Variants in INTS15 observed in about 807,000 individuals in gnomAD.
The protein encoded by INTS15 is uncharacterized protein C7orf26.
chr7:6,599,728 G>T, the INTS15 span: 1 of 1,123,494 alleles, frequency 8.9e-7, no homozygotes, highest in South Asian at 1.5e-5. Flanking sequence ...ACCATCAGGT[G>T]GGCAGTGCCA....
chr7:6,593,193 CTT>C, the INTS15 span, among the ~76,000 whole-genome samples: 61 of 152,300 alleles, frequency 4.0e-4, 1 homozygote, highest in African/African-American at 1.4e-3. Flanking sequence ...CCTGTAGTCT[CTT>C]TCACAGCTAC....
chr7:6,602,090 C>T, the INTS15 span: 1 of 1,612,394 alleles, frequency 6.2e-7, no homozygotes, highest in East Asian at 2.2e-5. Context: ...CTTGTATCTC[C>T]TTAATTGCAG....
At chr7:6,602,769 G>A in the INTS15 span, 1 of 471,134 alleles carries the variant, frequency 2.1e-6, no homozygotes, top group South Asian at 1.5e-5. Context: ...AGTGGGAACT[G>A]TGGTCAGATT....
chr7:6,608,465 G>T, the INTS15 span: 1 of 1,264,170 alleles, frequency 7.9e-7, no homozygotes, highest in Non-Finnish European at 1.0e-6. Flanking sequence ...GTGGCGAGGA[G>T]TGTGACGGCA....
the INTS15 span, chr7:6,594,559 A>T: frequency 6.2e-7 from 1 of 1,614,126 alleles, no homozygotes; most frequent in South Asian, 1.1e-5. Flanking sequence ...TTCTGCTGCC[A>T]GTTCATCACC....
chr7:6,607,374 G>A, the INTS15 span, among the ~76,000 whole-genome samples: 7 of 150,836 alleles, frequency 4.6e-5, no homozygotes, highest in Admixed American at 4.0e-4. This position sits in a 1 kb window ranked among gnomAD's most constrained non-coding sequence, Gnocchi z 6.0. Flanking sequence ...CGGAGCCCCG[G>A]TGCTGGGTGC....
chr7:6,607,646 T>C, the INTS15 span: 1 of 1,484,312 alleles, frequency 6.7e-7, no homozygotes, highest in African/African-American at 1.4e-5. This position sits in a 1 kb window ranked among gnomAD's most constrained non-coding sequence, Gnocchi z 6.0. Context: ...CCAGCTGTTC[T>C]GTGTGTCCCA....
the INTS15 span, chr7:6,608,601 C>A: frequency 4.4e-6 from 4 of 914,432 alleles, no homozygotes; most frequent in Non-Finnish European, 5.4e-6. Flanking sequence ...TGACCACAAG[C>A]TTATGTGCAG....
At chr7:6,600,283 T>G in the INTS15 span, 3 of 1,614,186 alleles carry the variant, frequency 1.9e-6, no homozygotes, top group South Asian at 1.1e-5. Flanking sequence ...CCCAGGAGAT[T>G]GAGCTCTCGC....
chr7:6,591,667 C>G, the INTS15 span: 1 of 1,614,158 alleles, frequency 6.2e-7, no homozygotes, highest in Non-Finnish European at 8.5e-7. Flanking sequence ...CCTTCAGGAG[C>G]TTCAACTTCT....
chr7:6,594,084 C>A, the INTS15 span, among the ~76,000 whole-genome samples: 12 of 130,320 alleles, frequency 9.2e-5, no homozygotes, highest in East Asian at 2.9e-3. Context: ...TCTTGGCTTA[C>A]TGCAACCTCT....
chr7:6,592,547 A>G, the INTS15 span, among the ~76,000 whole-genome samples: 1 of 151,960 alleles, frequency 6.6e-6, no homozygotes, highest in Admixed American at 6.6e-5. Flanking sequence ...AGCCTGGGTT[A>G]CAGAGTGAGA....
the INTS15 span, among the ~76,000 whole-genome samples, chr7:6,607,248 G>A: frequency 6.6e-6 from 1 of 152,124 alleles, no homozygotes; most frequent in African/African-American, 2.4e-5. The surrounding 1 kb of genome is among the most constrained non-coding windows in gnomAD (Gnocchi z 6.0). Context: ...AGGATTCCAG[G>A]AAGTGCGGGC....
At chr7:6,606,558 C>T in the INTS15 span, among the ~76,000 whole-genome samples, 3 of 152,250 alleles carry the variant, frequency 2.0e-5, no homozygotes, top group South Asian at 6.2e-4. Flanking sequence ...CCAGCCGGAG[C>T]AAGATCCTGG....
At chr7:6,598,821 C>G in the INTS15 span, among the ~76,000 whole-genome samples, 21 of 134,708 alleles carry the variant, frequency 1.6e-4, no homozygotes, top group Admixed American at 1.7e-3. Flanking sequence ...GGATCTCACT[C>G]TGTTGCTCAG....
chr7:6,607,307 C>T, the INTS15 span, among the ~76,000 whole-genome samples: 1 of 151,772 alleles, frequency 6.6e-6, no homozygotes, highest in African/African-American at 2.4e-5. The surrounding 1 kb of genome is among the most constrained non-coding windows in gnomAD (Gnocchi z 6.0). Context: ...CTCTGGGGCC[C>T]GGAGGCCTTG....
At chr7:6,603,702 G>C in the INTS15 span, among the ~76,000 whole-genome samples, 2 of 152,182 alleles carry the variant, frequency 1.3e-5, no homozygotes, top group African/African-American at 4.8e-5. Context: ...AGCCAGGCAT[G>C]GTGGCGGGTG....
At chr7:6,598,594 C>T in the INTS15 span, among the ~76,000 whole-genome samples, 2 of 151,972 alleles carry the variant, frequency 1.3e-5, no homozygotes, top group African/African-American at 2.4e-5. Flanking sequence ...AGATGGTGGG[C>T]ACAGCCCCAG....
the INTS15 span, chr7:6,602,224 G>T: frequency 8.8e-7 from 1 of 1,132,862 alleles, no homozygotes; most frequent in Non-Finnish European, 1.3e-6. Context: ...CCTTTGTCCT[G>T]GGTTCTTTGG....
Sources: allele counts gnomAD v4.1 joint callset (sites outside exome capture counted in the v4.1 genomes callset), GRCh38; gene constraint gnomAD v4.1.1; non-coding constraint Gnocchi (gnomAD v3.1); transcripts MANE v1.5; gene names NCBI Gene and HGNC (gene_info 2026-07-23, HGNC 2026-07-21).